Variants in ZNF33B observed in about 807,000 individuals in gnomAD.
ZNF33B encodes the protein zinc finger protein 11b (KOX 2).
ZNF33B carries 29 observed loss-of-function variants against 45.8 expected under a neutral mutation model. The observed-to-expected ratio is 0.63, with a 90% confidence interval of 0.47 to 0.86. The LOEUF (loss-of-function observed/expected upper bound fraction) is 0.86, where lower values mean the gene tolerates loss of function less well. Among genes scored for constraint, ZNF33B ranks in the 40% least tolerant of loss-of-function variants. ZNF33B has a pLI of 0.00. For synonymous variants in ZNF33B, 305 were observed against 307.8 expected, an observed-to-expected ratio of 0.99 and a Z score of 0.10; for missense variants, 831 against 909.9, an observed-to-expected ratio of 0.91 and a Z score of 1.12.
At chr10:42,609,983 T>TA (rs1838033304) in intron 4 of ZNF33B, among the ~76,000 whole-genome samples, 4 of 152,166 alleles carry the variant, frequency 2.6e-5, no homozygotes, top group Admixed American at 1.3e-4. Context: ...ACAATGATTT[T>TA]ACTCTAAGAA....
chr10:42,577,745 G>A (rs1025694804), intron 1 of ZNF33B, among the ~76,000 whole-genome samples: 2 of 152,176 alleles, frequency 1.3e-5, no homozygotes, highest in African/African-American at 4.8e-5. Flanking sequence ...CCTGGCAAGT[G>A]GATTCAGGGC....
At chr10:42,626,375 A>G (rs1291946337) in intron 4 of ZNF33B, among the ~76,000 whole-genome samples, 3 of 152,092 alleles carry the variant, frequency 2.0e-5, no homozygotes, top group Admixed American at 6.6e-5. Context: ...CATCAAAATA[A>G]TTTTTTAAAT....
At chr10:42,604,655 G>A (rs1837763619) in intron 4 of ZNF33B, among the ~76,000 whole-genome samples, 1 of 152,188 alleles carries the variant, frequency 6.6e-6, no homozygotes, top group African/African-American at 2.4e-5. Flanking sequence ...GCTCACGCCT[G>A]TAATCCCAGC....
At position 42,590,363 on chromosome 10, in the gene ZNF33B, G is replaced by A. The variant is rs1290107448; in HGVS notation, c.*2250C>T. The A allele has an allele frequency of 4.6e-5, 7 of 151,858 alleles. No homozygotes were observed. The highest frequency in any genetic ancestry group is 7.3e-5 in the African/African-American group (3 of 41,330). The allele number at this position is 151,858 out of a possible 1,614,324, so 9.4% of individuals were successfully genotyped here. A position where few individuals can be genotyped will look rare whatever the true frequency, so the allele number is the denominator to read the frequency against. ...CACATCAGTGAATCCATTTGGTCCCGGCACTTTTTTTGGAAGGTTTTATTA... is the reference window on the plus strand; with the variant it reads ...CACATCAGTGAATCCATTTGGTCCCAGCACTTTTTTTGGAAGGTTTTATTA... On this transcript the variant is annotated 3_prime_UTR_variant, in exon 5 of 5. Coordinates refer to ENST00000359467, the MANE Select transcript of ZNF33B (RefSeq NM_006955.3).
downstream of ZNF33B, among the ~76,000 whole-genome samples, chr10:42,585,401 C>A (rs1836912697): frequency 6.6e-6 from 1 of 152,218 alleles, no homozygotes; most frequent in Non-Finnish European, 1.5e-5. Context: ...CACTTCACTA[C>A]CTTTGATGAG....
intron 4 of ZNF33B, among the ~76,000 whole-genome samples, chr10:42,596,629 T>C (rs1045913570): frequency 1.3e-5 from 2 of 152,126 alleles, no homozygotes; most frequent in African/African-American, 4.8e-5. Context: ...CTCTCTGCAG[T>C]GGATTATTGT....
intron 1 of ZNF33B, among the ~76,000 whole-genome samples, chr10:42,637,678 T>G (rs1839383235): frequency 1.3e-5 from 2 of 152,194 alleles, no homozygotes; most frequent in Non-Finnish European, 2.9e-5. Context: ...TTGTTTGTTT[T>G]TGAGACGGAG....
chr10:42,636,133 A>T (rs1185786436), intron 2 of ZNF33B, among the ~76,000 whole-genome samples: 1 of 152,114 alleles, frequency 6.6e-6, no homozygotes. Context: ...GTCTCAAAAA[A>T]ATAAAAAAAT....
intron 4 of ZNF33B, among the ~76,000 whole-genome samples, chr10:42,601,679 C>G (rs975043187): frequency 6.6e-6 from 1 of 151,464 alleles, no homozygotes; most frequent in African/African-American, 2.4e-5. Context: ...TTGCCACGTT[C>G]GCCAAGATAG....
rs1159173110 is a variant in ZNF33B, at chr10:42,591,128, C to G, written c.*1485G>C. On this transcript the variant is annotated 3_prime_UTR_variant, in exon 5 of 5. Transcript: ENST00000359467. The stretch of plus-strand genomic sequence containing the variant: ...GATTCTGGCTCTTCTCCAGCCTCAA[C>G]CCTCCTCTTCATATTCTCAAAAGTC... 8 of 344,590 alleles carry G rather than the reference C, an allele frequency of 2.3e-5. No homozygotes were observed. The highest frequency in any genetic ancestry group is 3.3e-5 in the Non-Finnish European group (8 of 244,388). The allele number at this position is 344,590 out of a possible 1,614,324, so 21.3% of individuals were successfully genotyped here.
intron 2 of ZNF33B, among the ~76,000 whole-genome samples, chr10:42,633,970 C>CAAA (rs35796832): frequency 7.1e-6 from 1 of 141,632 alleles, no homozygotes; most frequent in African/African-American, 2.6e-5. Flanking sequence ...AACTCCATCT[C>CAAA]AAAAAAAAAA....
chr10:42,597,835 C>T lies in ZNF33B; in HGVS notation c.251-3136G>A, dbSNP rs559513125. ...TGTTAGTTTTGTACAAAACTGAATT[C>T]AATTTTACATATAAATTTATACAAT... On this transcript the variant is annotated intron_variant, in intron 4 of 4. Transcript: ENST00000359467. Among the ~76,000 whole-genome samples the T allele has an allele frequency of 5.3e-5, 8 of 152,260 alleles. No individual in the cohort carries two copies. In the South Asian group the frequency reaches 1.7e-3, roughly 32 times the overall value.
chr10:42,624,454 C>T (rs547251129), intron 4 of ZNF33B, among the ~76,000 whole-genome samples: 2 of 152,220 alleles, frequency 1.3e-5, no homozygotes, highest in South Asian at 2.1e-4. Flanking sequence ...TATCCAAGGG[C>T]GATACATTCC....
At chr10:42,582,158 TAAG>T (rs1836839899) in intron 1 of ZNF33B, 1 of 152,192 alleles carries the variant, frequency 6.6e-6, no homozygotes, top group Admixed American at 6.6e-5. Flanking sequence ...TGCCCTCCAG[TAAG>T]AAGGAGGCAG....
At chr10:42,579,917 A>G (rs974842248) in intron 1 of ZNF33B, 2 of 154,392 alleles carry the variant, frequency 1.3e-5, no homozygotes, top group African/African-American at 4.8e-5. Flanking sequence ...AAGCTGGACT[A>G]AGCAGTCTCC....
intron 4 of ZNF33B, among the ~76,000 whole-genome samples, chr10:42,615,938 G>T (rs1284480006): frequency 6.7e-6 from 1 of 150,174 alleles, no homozygotes; most frequent in African/African-American, 2.5e-5. Flanking sequence ...AAAAACAATT[G>T]TCGGCTGGGT....
At chr10:42,634,041 C>T (rs1223581873) in intron 2 of ZNF33B, among the ~76,000 whole-genome samples, 3 of 151,182 alleles carry the variant, frequency 2.0e-5, no homozygotes, top group Admixed American at 6.6e-5. Context: ...ATTTATAATA[C>T]AGTGGTGCTC....
chr10:42,601,636 G>C (rs1261907618), intron 4 of ZNF33B, among the ~76,000 whole-genome samples: 1 of 151,554 alleles, frequency 6.6e-6, no homozygotes, highest in Non-Finnish European at 1.5e-5. Flanking sequence ...ACCACACCCG[G>C]CTAATTTTTG....
At chr10:42,580,137 C>T (rs1338246532) in intron 1 of ZNF33B, among the ~76,000 whole-genome samples, 2 of 152,136 alleles carry the variant, frequency 1.3e-5, no homozygotes, top group Non-Finnish European at 2.9e-5. Flanking sequence ...GTCATTGATA[C>T]CTGGCACCAA....
Sources: allele counts gnomAD v4.1 joint callset (sites outside exome capture counted in the v4.1 genomes callset), GRCh38; gene constraint gnomAD v4.1.1; transcripts MANE v1.5; gene names NCBI Gene and HGNC (gene_info 2026-07-23, HGNC 2026-07-21).